CPN2: variants seen among roughly 807,000 people sequenced by gnomAD.
CPN2 encodes carboxypeptidase N 83 kDa chain.
For synonymous variants in CPN2, 336 were observed against 318.4 expected (o/e 1.06, Z -0.59); for missense variants, 620 against 671.4 (o/e 0.92, Z 0.85).
rs111646477 is a variant in CPN2 at position 194,341,226 on chromosome 3, C to A, written c.1477G>T (p.Ala493Ser). 6 of 1,613,538 alleles carry A rather than the reference C, an allele frequency of 3.7e-6. No individual in the cohort carries two copies. Among genetic ancestry groups the A allele is most frequent in the South Asian group, 1.1e-5 (1 of 91,076 alleles). The change falls in exon 2 of 2, where the codon GCC becomes TCC. Residue 493 changes from alanine (A) to serine (S), a missense_variant. By Grantham distance (99) the Ala-to-Ser change is moderately conservative. Coordinates refer to ENST00000323830, the MANE Select transcript of CPN2 (RefSeq NM_001080513.4). ...CAGCGACACTGGGCCTGGTCACAGGCGAGCACCACGGTGCCCTCGGGGTTG... is the reference window on the plus strand; with the variant it reads ...CAGCGACACTGGGCCTGGTCACAGGAGAGCACCACGGTGCCCTCGGGGTTG... ...YSNPEGTVVL[A>S]CDQAQCRWLN...
intron 1 of CPN2, among the ~76,000 whole-genome samples, chr3:194,347,545 C>T (rs1713089743): frequency 6.6e-6 from 1 of 152,242 alleles, no homozygotes; most frequent in South Asian, 2.1e-4. Context: ...CTGGTCCCCT[C>T]TCTTCTCAAT....
rs368655660 is a variant in CPN2, at chr3:194,341,899, G to C, written c.804C>G (p.Thr268=). The change falls in exon 2 of 2, where the codon ACC becomes ACG. Residue 268 remains threonine (T), a synonymous_variant. Coordinates refer to ENST00000323830, the MANE Select transcript of CPN2 (RefSeq NM_001080513.4). ...GCATGTTCCACTGCAAGCTCAGAAA[G>C]GTCAGATTACCCAGGGAGGCAAAGA... ...LSIFASLGNL[T]FLSLQWNMLR... is the part of the protein sequence containing the mutation. 8.1e-6 allele frequency: 13 copies of C among 1,614,092 alleles called. No homozygotes were observed. The highest frequency in any genetic ancestry group is 5.3e-5 in the African/African-American group (4 of 74,944).
chr3:194,341,932 C>T lies in CPN2; in HGVS notation c.771G>A (p.Pro257=), dbSNP rs113134525. The change falls in exon 2 of 2, where the codon CCG becomes CCA. Residue 257 remains proline, a synonymous_variant. Transcript: ENST00000323830. ...TACCCAGGGAGGCAAAGATGGAGAG[C>T]GGCAGGTGCGTGATGGCGTTGCGTT... ...WLQRNAITHL[P]LSIFASLGNL... 1.2e-4 allele frequency: 193 copies of T among 1,614,080 alleles called. 2 individuals carry two copies. In the African/African-American group the frequency reaches 1.9e-3, roughly 16 times the overall value.
At chr3:194,350,763 G>A (rs984746407) in intron 1 of CPN2, among the ~76,000 whole-genome samples, 4 of 152,014 alleles carry the variant, frequency 2.6e-5, no homozygotes, top group African/African-American at 9.7e-5. Context: ...GGCTGAGTGG[G>A]AGGATCGCTT....
At chr3:194,349,774 T>C (rs1229988579) in intron 1 of CPN2, among the ~76,000 whole-genome samples, 6 of 102,396 alleles carry the variant, frequency 5.9e-5, no homozygotes, top group African/African-American at 8.6e-5. Context: ...CTGACTACCC[T>C]CTTCTTTTTT....
rs757478492 is a variant in CPN2 at position 194,349,778 on chromosome 3, C to CTTTTTTTT, written c.-4+1456_-4+1463dup. ...ATGAAGCCTTCCTGACTACCCTCTT[C>CTTTTTTTT]TTTTTTTTTTTTTTTTTTTTTTTTT... On this transcript the variant is annotated intron_variant, in intron 1 of 1. Coordinates refer to ENST00000323830, the MANE Select transcript of CPN2 (RefSeq NM_001080513.4). 1.9e-3 allele frequency among the ~76,000 whole-genome samples: 124 copies of CTTTTTTTT among 65,588 alleles called. 10 individuals are homozygous for CTTTTTTTT. The highest frequency in any genetic ancestry group is 2.8e-3 in the Non-Finnish European group (102 of 36,174). 43.0% of individuals were successfully genotyped at this position (65,588 alleles called of 152,430 possible). A position where few individuals can be genotyped will look rare whatever the true frequency, so the allele number is the denominator to read the frequency against.
At chr3:194,343,704 G>T (rs755739119) in intron 1 of CPN2, among the ~76,000 whole-genome samples, 28 of 152,180 alleles carry the variant, frequency 1.8e-4, no homozygotes, top group Non-Finnish European at 3.5e-4. Context: ...ATCCATCTGT[G>T]CTTCAGTTTC....
At position 194,341,360 on chromosome 3, in the gene CPN2, G is replaced by C. The variant is rs762480769; in HGVS notation, c.1343C>G (p.Thr448Ser). 6.2e-6 allele frequency: 10 copies of C among 1,614,048 alleles called. No individual in the cohort carries two copies. Among genetic ancestry groups the C allele is most frequent in the South Asian group, 1.1e-5 (1 of 91,088 alleles). Reference sequence around the variant, plus strand: ...GACCTGGAAGCCCAAGTGGTCCCGGGTGACGGGACACACCAGCTGCTTCTC... The same window carrying C: ...GACCTGGAAGCCCAAGTGGTCCCGGCTGACGGGACACACCAGCTGCTTCTC... ...LNEKQLVCPV[T>S]RDHLGFQVTW... The change falls in exon 2 of 2, where the codon ACC becomes AGC. Residue 448 changes from threonine to serine, a missense_variant. Transcript: ENST00000323830.
intron 1 of CPN2, among the ~76,000 whole-genome samples, chr3:194,345,964 G>A (rs1020342670): frequency 2.0e-5 from 3 of 152,250 alleles, no homozygotes; most frequent in African/African-American, 7.2e-5. Context: ...CATGGCACTG[G>A]TGGCACAGAA....
chr3:194,342,819 CT>C (rs1468986205), intron 1 of CPN2, 114 bp from the exon 2 acceptor site: 8 of 576,182 alleles, frequency 1.4e-5, no homozygotes, highest in Non-Finnish European at 6.3e-6. Flanking sequence ...GGACAGCGAG[CT>C]CCAACATGCG....
rs3732474 is a variant in CPN2 at position 194,342,424 on chromosome 3, G to A, written c.279C>T (p.Phe93=). 574,871 of 1,613,994 alleles carry A rather than the reference G, an allele frequency of 0.36. 106,274 individuals are homozygous for A. The highest frequency in any genetic ancestry group is 0.39 in the Non-Finnish European group (458,908 of 1,179,952). ...GGTCCTCCAGCCTGGGCAGCCCCCC[G>A]AAGGCATCCGGCCTAAACTGGCAGA... ...TQLCQFRPDA[F]GGLPRLEDLE... The change falls in exon 2 of 2, where the codon TTC becomes TTT. Residue 93 remains phenylalanine, a synonymous_variant. Coordinates refer to ENST00000323830, the MANE Select transcript of CPN2 (RefSeq NM_001080513.4).
chr3:194,342,412 G>T lies in CPN2; in HGVS notation c.291C>A (p.Pro97=). The T allele has an allele frequency of 6.2e-7, 1 of 1,614,172 alleles. No homozygotes were observed. The change falls in exon 2 of 2, where the codon CCC becomes CCA. Residue 97 remains proline (P), a synonymous_variant. Transcript: ENST00000323830. ...CTGTGACCTCCAGGTCCTCCAGCCT[G>T]GGCAGCCCCCCGAAGGCATCCGGCC... ...QFRPDAFGGL[P]RLEDLEVTGS...
Position 194,342,175 on chromosome 3 carries a change from C to T in CPN2, c.528G>A (p.Leu176=), listed in dbSNP as rs1712867346. ...GGAGCTGGGCCAGGAGGTTCTGGGCCAGGTTGAGTGTCTTCAGATGGGTCA... is the reference window on the plus strand; with the variant it reads ...GGAGCTGGGCCAGGAGGTTCTGGGCTAGGTTGAGTGTCTTCAGATGGGTCA... ...QPLTHLKTLN[L]AQNLLAQLPE... is the part of the protein sequence containing the mutation. The change falls in exon 2 of 2, where the codon CTG becomes CTA. Residue 176 remains leucine, a synonymous_variant. Transcript: ENST00000323830. 1 of 1,614,056 alleles carries T rather than the reference C, an allele frequency of 6.2e-7. No individual in the cohort carries two copies. The highest frequency in any genetic ancestry group is 8.5e-7 in the Non-Finnish European group (1 of 1,179,972).
chr3:194,346,634 C>T (rs1370651726), intron 1 of CPN2, among the ~76,000 whole-genome samples: 1 of 152,236 alleles, frequency 6.6e-6, no homozygotes, highest in Non-Finnish European at 1.5e-5. Flanking sequence ...CTGTGTTTTG[C>T]TTTCCTCCTC....
rs1205022724 is a variant in CPN2 at position 194,340,877 on chromosome 3, T to C, written c.*188A>G. The C allele has an allele frequency of 2.3e-6, 2 of 887,794 alleles. No individual in the cohort carries two copies. The highest frequency in any genetic ancestry group is 3.3e-6 in the Non-Finnish European group (2 of 608,010). The allele number at this position is 887,794 out of a possible 1,614,324, so 55.0% of individuals were successfully genotyped here. The stretch of plus-strand genomic sequence containing the variant: ...AGGCCGCACACTCCAGGAGAAGCGA[T>C]GAAGGAAGAGGAGGAGGAGACCCTG... On this transcript the variant is annotated 3_prime_UTR_variant, in exon 2 of 2. Transcript: ENST00000323830.
Position 194,342,395 on chromosome 3 carries a change from T to C in CPN2, c.308A>G (p.Glu103Gly), listed in dbSNP as rs1233537011. ...FGGLPRLEDL[E>G]VTGSSFLNLS... Reference sequence around the variant, plus strand: ...GTTCAAGAAGCTACTGCCTGTGACCTCCAGGTCCTCCAGCCTGGGCAGCCC... The same window carrying C: ...GTTCAAGAAGCTACTGCCTGTGACCCCCAGGTCCTCCAGCCTGGGCAGCCC... The change falls in exon 2 of 2, where the codon GAG (glutamate) becomes GGG (glycine). Residue 103 changes from glutamate to glycine, a missense_variant. Glu to Gly is a moderately conservative substitution (Grantham distance 98, BLOSUM62 -2). Transcript: ENST00000323830. The C allele has an allele frequency of 1.2e-6, 2 of 1,613,968 alleles. No homozygotes were observed. Among genetic ancestry groups the C allele is most frequent in the South Asian group, 2.2e-5 (2 of 91,086 alleles).
intron 1 of CPN2, among the ~76,000 whole-genome samples, chr3:194,343,912 A>T (rs1308646346): frequency 1.3e-5 from 2 of 152,230 alleles, no homozygotes; most frequent in African/African-American, 4.8e-5. Context: ...AAAATAAAAA[A>T]ATAAAAACAA....
Position 194,341,341 on chromosome 3 carries a change from G to C in CPN2, c.1362C>G (p.Phe454Leu). 2 of 1,613,922 alleles carry C rather than the reference G, an allele frequency of 1.2e-6. No homozygotes were observed. The highest frequency in any genetic ancestry group is 1.7e-6 in the Non-Finnish European group (2 of 1,180,042). ...TGCTTTCGTCCGGCCACGTGACCTG[G>C]AAGCCCAAGTGGTCCCGGGTGACGG... The part of the protein sequence containing the change: ...VCPVTRDHLG[F>L]QVTWPDESKA... The change falls in exon 2 of 2, where the codon TTC (phenylalanine) becomes TTG (leucine). Residue 454 changes from phenylalanine (F) to leucine (L), a missense_variant. Phe to Leu is a conservative substitution (Grantham distance 22). Transcript: ENST00000323830.
At chr3:194,347,283 G>A (rs950165955) in intron 1 of CPN2, among the ~76,000 whole-genome samples, 4 of 151,806 alleles carry the variant, frequency 2.6e-5, no homozygotes, top group Admixed American at 6.6e-5. Flanking sequence ...GGGAGGGTAC[G>A]TTTCTGTGCA....
Sources: allele counts gnomAD v4.1 joint callset (sites outside exome capture counted in the v4.1 genomes callset), GRCh38; gene constraint gnomAD v4.1.1; transcripts MANE v1.5; gene names NCBI Gene and HGNC (gene_info 2026-07-23, HGNC 2026-07-21).